Variants in ANAPC11 observed in about 807,000 individuals in gnomAD.
The protein encoded by ANAPC11 is anaphase-promoting complex subunit 11.
A neutral mutation model predicts 11.8 loss-of-function variants in ANAPC11; 5 were observed. That is an observed-to-expected ratio of 0.42 (90% CI 0.22 to 0.89). The LOEUF (loss-of-function observed/expected upper bound fraction) is 0.89, where lower values mean the gene tolerates loss of function less well. Among genes scored for constraint, ANAPC11 ranks in the 40% least tolerant of loss-of-function variants. ANAPC11 has a pLI of 0.28. For missense variants in ANAPC11, 68 were observed against 112.9 expected (o/e 0.60, Z 1.80); for synonymous variants, 45 against 41.0 (o/e 1.10, Z -0.38).
intron 3 of ANAPC11, chr17:81,898,780 G>A (rs141252779): frequency 1.2e-5 from 2 of 163,632 alleles, no homozygotes; most frequent in African/African-American, 2.4e-5. Context: ...AGACCAGCAG[G>A]TCCTGGAATG....
intron 2 of ANAPC11, among the ~76,000 whole-genome samples, 199 bp downstream of exon 2, chr17:81,893,813 T>G (rs1357372617): frequency 2.8e-5 from 4 of 144,468 alleles, no homozygotes; most frequent in Admixed American, 7.1e-5. Context: ...CACAGGCTGG[T>G]CTCAAACTCC....
Position 81,900,145 on chromosome 17 carries a change from C to T in ANAPC11, c.*80C>T, listed in dbSNP as rs1256862389. 2 of 1,578,852 alleles carry T rather than the reference C, an allele frequency of 1.3e-6. No individual in the cohort carries two copies. The highest frequency in any genetic ancestry group is 1.7e-6 in the Non-Finnish European group (2 of 1,162,074). ...CGCCGATGGCTGCTGGGGACAGCGC[C>T]CCTGAGCTGCAACAAGGTGGAAACA... On this transcript the variant is annotated 3_prime_UTR_variant, in exon 4 of 4. Coordinates refer to ENST00000344877, the MANE Select transcript of ANAPC11 (RefSeq NM_001002248.3).
chr17:81,898,894 C>T (rs758369658), intron 3 of ANAPC11: 6 of 335,990 alleles, frequency 1.8e-5, no homozygotes, highest in Non-Finnish European at 3.3e-5. Flanking sequence ...GAGGCCTCCC[C>T]CGAGTACTCA....
At chr17:81,891,371 G>C (rs1170218058), upstream of ANAPC11, 240 of 1,145,200 alleles carry the variant, frequency 2.1e-4, no homozygotes, top group Non-Finnish European at 2.5e-4. Flanking sequence ...CGGCCGCGCC[G>C]CGGGCGATGG....
intron 3 of ANAPC11, 81 bp downstream of exon 3, chr17:81,894,667 C>G (rs1400785506): frequency 2.5e-6 from 2 of 787,000 alleles, no homozygotes; most frequent in East Asian, 3.0e-5. Context: ...CTGGACTAGC[C>G]TCAGTAGCTC....
intron 3 of ANAPC11, among the ~76,000 whole-genome samples, chr17:81,897,030 T>G (rs2039769705): frequency 6.6e-6 from 1 of 152,018 alleles, no homozygotes; most frequent in African/African-American, 2.4e-5. Context: ...AGACAGAGTC[T>G]CACTCTGTCA....
chr17:81,898,954 T>A (rs1056303314), intron 3 of ANAPC11: 5 of 470,624 alleles, frequency 1.1e-5, no homozygotes, highest in African/African-American at 9.8e-5. Context: ...TCAGCTCTCA[T>A]TTGAAAGGGC....
Position 81,900,087 on chromosome 17 carries a change from G to A in ANAPC11, c.*22G>A, listed in dbSNP as rs557305511. ...GTGAGGCCCGACCTGGCTCTCGCTG[G>A]AGGGGCATCCTGAGACTCCTTCCTC... is the stretch of plus-strand genomic sequence containing the variant. On this transcript the variant is annotated 3_prime_UTR_variant, in exon 4 of 4. Coordinates refer to ENST00000344877, the MANE Select transcript of ANAPC11 (RefSeq NM_001002248.3). 7 of 1,611,708 alleles carry A rather than the reference G, an allele frequency of 4.3e-6. No individual in the cohort carries two copies. The Admixed American group carries it at 1.0e-4, about 23-fold the overall frequency.
intron 3 of ANAPC11, chr17:81,898,198 C>G (rs1034615588): frequency 1.3e-5 from 2 of 152,284 alleles, no homozygotes; most frequent in African/African-American, 4.8e-5. Flanking sequence ...TCTGGAGCAG[C>G]AGCTTAACTT....
At chr17:81,896,619 C>T (rs1359240036) in intron 3 of ANAPC11, among the ~76,000 whole-genome samples, 6 of 151,990 alleles carry the variant, frequency 3.9e-5, no homozygotes, top group South Asian at 2.1e-4. Context: ...TGGGGAGGAC[C>T]GAGAAGCTAC....
intron 1 of ANAPC11, among the ~76,000 whole-genome samples, chr17:81,892,651 T>C (rs1267464464): frequency 6.8e-6 from 1 of 147,054 alleles, no homozygotes; most frequent in East Asian, 2.1e-4. Context: ...GCCTCCCGAG[T>C]AGCTGGGACT....
rs1274584706 is a variant in ANAPC11 at position 81,899,999 on chromosome 17, G to A, written c.189G>A (p.Trp63Ter). The change falls in exon 4 of 4, where the codon TGG becomes TGA. Residue 63 changes from tryptophan (W) to a stop codon, truncating the protein, a stop_gained. Transcript: ENST00000344877. LOFTEE classifies it high-confidence loss of function. Reference protein sequence around the residue: ...HCFHMHCILKWLHAQQVQQHC... With the variant: ...HCFHMHCILK ...TCCACATGCATTGCATCCTCAAGTG[G>A]CTGCACGCACAGCAGGTGCAGCAGC... 1 of 1,612,912 alleles carries A rather than the reference G, an allele frequency of 6.2e-7. No homozygotes were observed. Among genetic ancestry groups the A allele is most frequent in the East Asian group, 2.2e-5 (1 of 44,894 alleles).
At chr17:81,894,413 C>A in intron 2 of ANAPC11, 54 bp from the exon 3 acceptor site, 1 of 1,097,484 alleles carries the variant, frequency 9.1e-7, no homozygotes, top group Non-Finnish European at 1.4e-6. Flanking sequence ...GGTGCCTAAA[C>A]GTTCTAGCTC....
chr17:81,895,050 C>CTTTTTTTTTT (rs766422017), intron 3 of ANAPC11, among the ~76,000 whole-genome samples: 71 of 85,054 alleles, frequency 8.3e-4, no homozygotes, highest in Middle Eastern at 0.012. Context: ...TCTTTCTTTT[C>CTTTTTTTTTT]TTTTTTTTTT....
chr17:81,891,698 G>A (rs1377438630), upstream of ANAPC11: 6 of 996,632 alleles, frequency 6.0e-6, no homozygotes, highest in Non-Finnish European at 7.5e-6. Flanking sequence ...CTGCGCGCGC[G>A]GGACGGGGTG....
At chr17:81,897,241 C>T (rs905369412) in intron 3 of ANAPC11, among the ~76,000 whole-genome samples, 7 of 152,086 alleles carry the variant, frequency 4.6e-5, no homozygotes, top group South Asian at 2.1e-4. Flanking sequence ...CCTCGTGATC[C>T]GCCCACCTCA....
At chr17:81,891,476 G>A (rs1567864182), upstream of ANAPC11, 1 of 1,184,224 alleles carries the variant, frequency 8.4e-7, no homozygotes, top group South Asian at 2.0e-5. Flanking sequence ...CCCGGCCGCG[G>A]CCCCGGCCCC....
At chr17:81,891,118 C>T (rs2039516491), upstream of ANAPC11, 1 of 638,424 alleles carries the variant, frequency 1.6e-6, no homozygotes. Context: ...TGGGAAGGGT[C>T]TCAGCCTCCG....
intron 3 of ANAPC11, 49 bp downstream of exon 3, chr17:81,894,635 C>T (rs755208509): frequency 2.3e-6 from 3 of 1,331,128 alleles, no homozygotes; most frequent in Admixed American, 1.8e-5. Flanking sequence ...GTGAGTGTCC[C>T]CTCTGTGCTG....
Sources: gnomAD v4.1 joint callset for allele counts (sites outside exome capture counted in the v4.1 genomes callset) on GRCh38, gnomAD v4.1.1 for gene constraint, MANE v1.5 for transcripts, NCBI Gene and HGNC (gene_info 2026-07-23, HGNC 2026-07-21) for gene names.